Variants in JMJD1C observed in about 807,000 individuals in gnomAD.
JMJD1C encodes jumonji domain containing 1C.
Under a neutral mutation model 245.3 loss-of-function variants are expected in JMJD1C, and 31 were observed. The observed-to-expected ratio is 0.13, with a 90% CI of 0.09 to 0.17. The LOEUF is 0.17. JMJD1C is among the 10% of genes least tolerant of loss of function. JMJD1C has a pLI of 1.00. For synonymous variants in JMJD1C, 1,057 were observed against 1,017.4 expected, an observed-to-expected ratio of 1.04 and a Z score of -0.74; for missense variants, 2,691 against 3,000.2, an observed-to-expected ratio of 0.90 and a Z score of 2.41.
At chr10:63,413,638 T>C (rs933003895) in intron 1 of JMJD1C, among the ~76,000 whole-genome samples, 25 of 152,202 alleles carry the variant, frequency 1.6e-4, no homozygotes, top group Non-Finnish European at 8.8e-5. Flanking sequence ...AAAACGGTTA[T>C]CAAGCGATAA....
intron 1 of JMJD1C, among the ~76,000 whole-genome samples, chr10:63,424,733 G>C (rs999547409): frequency 3.3e-5 from 5 of 151,770 alleles, no homozygotes; most frequent in African/African-American, 1.2e-4. Context: ...ATGATAAAAG[G>C]TATTACAATT....
chr10:63,229,879 G>A (rs960313727), intron 3 of JMJD1C, among the ~76,000 whole-genome samples: 4 of 152,122 alleles, frequency 2.6e-5, no homozygotes, highest in Non-Finnish European at 5.9e-5. Flanking sequence ...CTGATCTAAA[G>A]AAAGCAATTT....
chr10:63,233,653 A>G (rs1469968496), intron 3 of JMJD1C, among the ~76,000 whole-genome samples: 1 of 151,654 alleles, frequency 6.6e-6, no homozygotes, highest in African/African-American at 2.4e-5. Context: ...CACAAACAGA[A>G]CCATAAAAAC....
intron 1 of JMJD1C, among the ~76,000 whole-genome samples, chr10:63,434,044 C>G (rs1364048958): frequency 6.6e-6 from 1 of 152,080 alleles, no homozygotes; most frequent in African/African-American, 2.4e-5. Flanking sequence ...AATCCCAAAT[C>G]CAGTTTTTAT....
At chr10:63,234,245 C>G (rs1023730232) in intron 3 of JMJD1C, among the ~76,000 whole-genome samples, 1 of 142,036 alleles carries the variant, frequency 7.0e-6, no homozygotes, top group African/African-American at 2.5e-5. Context: ...AATGTAATCA[C>G]AGCACTTTGG....
chr10:63,362,031 C>G (rs1945402922), intron 2 of JMJD1C, among the ~76,000 whole-genome samples: 1 of 151,626 alleles, frequency 6.6e-6, no homozygotes, highest in Non-Finnish European at 1.5e-5. Flanking sequence ...GTCAGGAGTT[C>G]CGAGACCAGC....
At chr10:63,368,291 C>T (rs1361246591) in intron 2 of JMJD1C, among the ~76,000 whole-genome samples, 2 of 152,120 alleles carry the variant, frequency 1.3e-5, no homozygotes, top group African/African-American at 4.8e-5. Flanking sequence ...GAAAGCAGTA[C>T]CCAGAAGAGT....
chr10:63,207,299 G>A lies in JMJD1C; in HGVS notation c.4370C>T (p.Thr1457Ile), dbSNP rs1299144529. The change falls in exon 10 of 26, where the codon ACA (threonine) becomes ATA (isoleucine). Residue 1457 changes from threonine to isoleucine, a missense_variant. This residue lies in a region of JMJD1C where 1,562 missense variants were observed against 1,490.7 expected (regional missense o/e 1.05). Coordinates refer to ENST00000399262, the MANE Select transcript of JMJD1C (RefSeq NM_032776.3). Reference sequence around the variant, plus strand: ...ACTTCCTGTCTTACTACTGGCTAATGTAACTGGTGCTGTGGTGCTGACCTT... The same window carrying A: ...ACTTCCTGTCTTACTACTGGCTAATATAACTGGTGCTGTGGTGCTGACCTT... The part of the protein sequence containing the change: ...ECKVSTTAPV[T>I]LASSKTGSVV... The A allele has an allele frequency of 3.1e-6, 5 of 1,613,710 alleles. No individual in the cohort carries two copies. The highest frequency in any genetic ancestry group is 4.2e-6 in the Non-Finnish European group (5 of 1,180,036).
chr10:63,370,176 T>A (rs1946185593), intron 2 of JMJD1C, among the ~76,000 whole-genome samples: 1 of 152,216 alleles, frequency 6.6e-6, no homozygotes, highest in Non-Finnish European at 1.5e-5. Flanking sequence ...CTGATTTTAA[T>A]TCGTATACTT....
intron 4 of JMJD1C, among the ~76,000 whole-genome samples, chr10:63,218,226 T>A (rs1848210627): frequency 1.3e-5 from 2 of 152,104 alleles, no homozygotes; most frequent in African/African-American, 4.8e-5. Flanking sequence ...AAATTTTAAG[T>A]CAAAGATCTG....
intron 3 of JMJD1C, among the ~76,000 whole-genome samples, chr10:63,233,151 C>T (rs1850223851): frequency 6.6e-6 from 1 of 152,140 alleles, no homozygotes; most frequent in Non-Finnish European, 1.5e-5. Flanking sequence ...AAACACACTA[C>T]AATTTAATGG....
intron 3 of JMJD1C, among the ~76,000 whole-genome samples, chr10:63,260,486 T>C (rs1343706868): frequency 6.6e-6 from 1 of 152,194 alleles, no homozygotes; most frequent in East Asian, 1.9e-4. Flanking sequence ...TATGTGAATG[T>C]GATCAAAACT....
intron 1 of JMJD1C, among the ~76,000 whole-genome samples, chr10:63,394,108 ATC>A (rs1374951076): frequency 4.6e-5 from 7 of 151,342 alleles, no homozygotes; most frequent in African/African-American, 1.5e-4. Flanking sequence ...AATCGCTTGA[ATC>A]CGGGAGGTAG....
At chr10:63,521,777 G>T (rs1160233379) in exon 1 of JMJD1C, 4 of 339,262 alleles carry the variant, frequency 1.2e-5, no homozygotes, top group Non-Finnish European at 2.1e-5. Context: ...CGACGGCCGA[G>T]GGCCTAGCTG....
chr10:63,270,972 A>G (rs191056875), intron 2 of JMJD1C, among the ~76,000 whole-genome samples: 1 of 152,300 alleles, frequency 6.6e-6, no homozygotes, highest in East Asian at 1.9e-4. Flanking sequence ...TTTCTGACTT[A>G]GAGCAGGAAA....
intron 2 of JMJD1C, among the ~76,000 whole-genome samples, chr10:63,370,416 C>T (rs919823229): frequency 1.3e-5 from 2 of 152,196 alleles, no homozygotes; most frequent in Admixed American, 1.3e-4. Flanking sequence ...ATCTTCACTA[C>T]TCTGTGTGGT....
intron 1 of JMJD1C, among the ~76,000 whole-genome samples, chr10:63,475,588 G>A (rs1156754441): frequency 6.6e-6 from 1 of 152,150 alleles, no homozygotes; most frequent in Non-Finnish European, 1.5e-5. Context: ...TACTACTGGG[G>A]AGAAGGAGGA....
rs1159326375 is a variant in JMJD1C at position 63,218,078 on chromosome 10, T to G, written c.554-747A>C. The stretch of plus-strand genomic sequence containing the variant: ...GGTATCAAATACTTTAACAAAGAAC[T>G]GTAAGGGAAAAAACTGCTGTACCTT... On this transcript the variant is annotated intron_variant, in intron 4 of 25. Transcript: ENST00000399262. 7.9e-5 allele frequency among the ~76,000 whole-genome samples: 12 copies of G among 152,048 alleles called. 1 individual carries two copies. The highest frequency in any genetic ancestry group is 3.3e-4 in the Admixed American group (5 of 15,262).
intron 2 of JMJD1C, among the ~76,000 whole-genome samples, chr10:63,380,074 G>A (rs1275390300): frequency 1.3e-5 from 2 of 151,384 alleles, no homozygotes; most frequent in Non-Finnish European, 2.9e-5. Context: ...CAAGTAGCTG[G>A]GACCACAGGT....
Sources: gnomAD v4.1 joint callset for allele counts (sites outside exome capture counted in the v4.1 genomes callset) on GRCh38, gnomAD v4.1.1 for gene constraint, gnomAD v4.1.1 regional missense constraint, MANE v1.5 for transcripts, NCBI Gene and HGNC (gene_info 2026-07-23, HGNC 2026-07-21) for gene names.